The following ZSCAN22 variants were observed in gnomAD, a reference collection of about 807,000 sequenced individuals.
The protein encoded by ZSCAN22 is zinc finger and SCAN domain containing 22.
ZSCAN22 carries 7 observed loss-of-function variants against 12.4 expected under a neutral mutation model. The ratio of observed to expected loss-of-function variants is 0.57; its 90% confidence interval spans 0.32 to 1.06. The LOEUF (loss-of-function observed/expected upper bound fraction) is 1.06. Ranked by LOEUF, ZSCAN22 falls within the 50% of genes least tolerant of loss-of-function variation. The pLI is 0.04. For synonymous variants in ZSCAN22, 243 were observed against 255.9 expected (o/e 0.95, Z 0.48); for missense variants, 576 against 631.7 (o/e 0.91, Z 0.94).
At chr19:58,327,417 C>A (rs1476806079) in intron 1 of ZSCAN22, among the ~76,000 whole-genome samples, 1 of 152,064 alleles carries the variant, frequency 6.6e-6, no homozygotes, top group African/African-American at 2.4e-5. Flanking sequence ...CCGGACGGAC[C>A]GACGGAGAAT....
rs763685746 is a variant in ZSCAN22 at position 58,338,247 on chromosome 19, G to T, written c.404-7G>T. ...GAGGAGTGACAGTGTGGTTCGGACT[G>T]TTTCAGGATGGGATCCAGGAGCCGA... On this transcript the variant is annotated splice_region_variant and splice_polypyrimidine_tract_variant and intron_variant, in intron 2 of 2. Transcript: ENST00000329665. This position sits in a 1 kb window ranked among gnomAD's most constrained non-coding sequence, Gnocchi z 5.4. 1 of 1,594,624 alleles carries T rather than the reference G, an allele frequency of 6.3e-7. No homozygotes were observed. The highest frequency in any genetic ancestry group is 8.6e-7 in the Non-Finnish European group (1 of 1,166,682).
At position 58,335,047 on chromosome 19, in the gene ZSCAN22, C is replaced by T. The variant is rs771409862; in HGVS notation, c.245C>T (p.Ala82Val). The change falls in exon 2 of 3, where the codon GCG becomes GTG. Residue 82 changes from alanine (A) to valine (V), a missense_variant. By Grantham distance (64) the Ala-to-Val change is moderately conservative. Coordinates refer to ENST00000329665, the MANE Select transcript of ZSCAN22 (RefSeq NM_181846.3). The surrounding 1 kb of genome is among the most constrained non-coding windows in gnomAD (Gnocchi z 4.1). Reference protein sequence around the residue: ...ALCCQWLQPEAHSKEQILELL... With the variant: ...ALCCQWLQPEVHSKEQILELL... ...TGCTGTCAGTGGCTGCAGCCCGAGG[C>T]GCACTCCAAGGAGCAGATACTGGAG... The T allele has an allele frequency of 1.1e-5, 17 of 1,613,924 alleles. No individual in the cohort carries two copies. In the South Asian group the frequency reaches 1.8e-4, roughly 17 times the overall value.
chr19:58,328,234 T>C (rs2051679813), intron 1 of ZSCAN22, among the ~76,000 whole-genome samples: 1 of 152,240 alleles, frequency 6.6e-6, no homozygotes, highest in South Asian at 2.1e-4. Flanking sequence ...GCTGACAGAC[T>C]GTACCTGAGA....
intron 1 of ZSCAN22, among the ~76,000 whole-genome samples, chr19:58,330,375 T>G (rs930460753): frequency 6.6e-6 from 1 of 152,208 alleles, no homozygotes; most frequent in Non-Finnish European, 1.5e-5. Context: ...GGCTAGATTC[T>G]GAGAAGTAGA....
rs1261002763 is a variant in ZSCAN22, at chr19:58,339,512, C to T, written c.*186C>T. The T allele has an allele frequency of 6.8e-6, 4 of 591,918 alleles. No individual in the cohort carries two copies. The highest frequency in any genetic ancestry group is 5.6e-5 in the African/African-American group (3 of 53,898). 36.7% of individuals were successfully genotyped at this position (591,918 alleles called of 1,614,324 possible). On this transcript the variant is annotated 3_prime_UTR_variant, in exon 3 of 3. Coordinates refer to ENST00000329665, the MANE Select transcript of ZSCAN22 (RefSeq NM_181846.3). This position sits in a 1 kb window ranked among gnomAD's most constrained non-coding sequence, Gnocchi z 5.6. ...TGCATTTGAGGAACCCTGATGAGCA[C>T]AAGGTGATTCAGGCCAGCTGGAGAA... is the stretch of plus-strand genomic sequence containing the variant.
At position 58,335,248 on chromosome 19, in the gene ZSCAN22, C is replaced by A; in HGVS notation, c.403+43C>A. 1 of 1,489,734 alleles carries A rather than the reference C, an allele frequency of 6.7e-7. No individual in the cohort carries two copies. The highest frequency in any genetic ancestry group is 1.4e-5 in the South Asian group (1 of 73,462). The allele number at this position is 1,489,734 out of a possible 1,614,324, so 92.3% of individuals were successfully genotyped here. A position where few individuals can be genotyped will look rare whatever the true frequency, so the allele number is the denominator to read the frequency against. On this transcript the variant is annotated intron_variant, in intron 2 of 2. Transcript: ENST00000329665. This position sits in a 1 kb window ranked among gnomAD's most constrained non-coding sequence, Gnocchi z 4.1. ...GCAGCTTCACGGCACACCAGAGATA[C>A]ACCCTGGACAGGAACATGGGAGCAC... is the stretch of plus-strand genomic sequence containing the variant.
intron 1 of ZSCAN22, among the ~76,000 whole-genome samples, chr19:58,327,852 G>A (rs2051673436): frequency 6.6e-6 from 1 of 152,054 alleles, no homozygotes; most frequent in African/African-American, 2.4e-5. Flanking sequence ...ATGCTGCGAG[G>A]GCCTGTGTTT....
rs755722105 is a variant in ZSCAN22, at chr19:58,338,919, T to A, written c.1069T>A (p.Cys357Ser). ...AGAGAAACCCTACAAATGTGGGGAA[T>A]GTGGTAAAACCTTCAGCCGCAGCAC... ...TGEKPYKCGE[C>S]GKTFSRSTHL... Residue 357 changes from cysteine (C) to serine (S), a missense_variant, in exon 3 of 3, where the codon TGT (cysteine) becomes AGT (serine). Cys to Ser is a moderately radical substitution (Grantham distance 112). Coordinates refer to ENST00000329665, the MANE Select transcript of ZSCAN22 (RefSeq NM_181846.3). This position sits in a 1 kb window ranked among gnomAD's most constrained non-coding sequence, Gnocchi z 5.4. The A allele has an allele frequency of 2.5e-6, 4 of 1,614,040 alleles. No individual in the cohort carries two copies. The highest frequency in any genetic ancestry group is 2.2e-5 in the South Asian group (2 of 91,074).
In ZSCAN22 at chr19:58,340,957, T is replaced by C. The variant is rs2051868095; in HGVS notation, c.*1631T>C. 6.6e-6 allele frequency: 1 copy of C among 152,172 alleles called. No homozygotes were observed. The highest frequency in any genetic ancestry group is 1.5e-5 in the Non-Finnish European group (1 of 68,032). 9.4% of individuals were successfully genotyped at this position (152,172 alleles called of 1,614,324 possible). A position where few individuals can be genotyped will look rare whatever the true frequency, so the allele number is the denominator to read the frequency against. ...CTTGTAGAGCTGCCTTTTCCAAGGA[T>C]ACCATAAACTCCTGAGAGCAGGGGC... On this transcript the variant is annotated 3_prime_UTR_variant, in exon 3 of 3. Transcript: ENST00000329665.
intron 1 of ZSCAN22, among the ~76,000 whole-genome samples, chr19:58,327,453 G>A (rs571872224): frequency 5.3e-5 from 8 of 152,316 alleles, no homozygotes; most frequent in African/African-American, 1.9e-4. Context: ...AGTGTGTGTC[G>A]GATGGACTGA....
intron 1 of ZSCAN22, among the ~76,000 whole-genome samples, chr19:58,333,623 C>T (rs982629884): frequency 7.2e-5 from 11 of 152,204 alleles, no homozygotes; most frequent in African/African-American, 2.4e-4. Flanking sequence ...GCAGGCAGAT[C>T]GCTTGAGGTC....
chr19:58,339,113 A>G lies in ZSCAN22; in HGVS notation c.1263A>G (p.Ser421=). The G allele has an allele frequency of 1.2e-6, 2 of 1,614,270 alleles. No homozygotes were observed. The highest frequency in any genetic ancestry group is 1.7e-6 in the Non-Finnish European group (2 of 1,180,046). Reference sequence around the variant, plus strand: ...GTGGCCGAGCCTTCAGCGACTGCTCAGCCCTGATCCGACATCTGAGAATCC... The same window carrying G: ...GTGGCCGAGCCTTCAGCGACTGCTCGGCCCTGATCCGACATCTGAGAATCC... The part of the protein sequence containing the change: ...DACGRAFSDC[S]ALIRHLRIHS... The change falls in exon 3 of 3, where the codon TCA becomes TCG. Residue 421 remains serine, a synonymous_variant. Coordinates refer to ENST00000329665, the MANE Select transcript of ZSCAN22 (RefSeq NM_181846.3). The surrounding 1 kb of genome is among the most constrained non-coding windows in gnomAD (Gnocchi z 5.6).
chr19:58,338,451 C>A lies in ZSCAN22; in HGVS notation c.601C>A (p.Gln201Lys). Residue 201 changes from glutamine (Q) to lysine (K), a missense_variant, in exon 3 of 3, where the codon CAG becomes AAG. By Grantham distance (53) the Gln-to-Lys change is moderately conservative (BLOSUM62 1). Coordinates refer to ENST00000329665, the MANE Select transcript of ZSCAN22 (RefSeq NM_181846.3). This position sits in a 1 kb window ranked among gnomAD's most constrained non-coding sequence, Gnocchi z 5.4. ...GEIWTKSVTQQIHFKKTSGPY... is the reference protein window; with the variant it reads ...GEIWTKSVTQKIHFKKTSGPY... ...GATCTGGACAAAGTCTGTCACCCAA[C>A]AGATCCACTTCAAGAAAACTTCAGG... 6.2e-7 allele frequency: 1 copy of A among 1,614,202 alleles called. No homozygotes were observed. The highest frequency in any genetic ancestry group is 1.1e-5 in the South Asian group (1 of 91,082).
Position 58,334,896 on chromosome 19 carries a change from T to C in ZSCAN22, c.94T>C (p.Ser32Pro). ...KVEEEEEASL[S>P]QGGESSHDHI... ...GGAGGAGGAAGAGGAAGCCAGCCTC[T>C]CCCAGGGCGGAGAATCCAGCCATGA... The change falls in exon 2 of 3, where the codon TCC (serine) becomes CCC (proline). Residue 32 changes from serine to proline, a missense_variant. Coordinates refer to ENST00000329665, the MANE Select transcript of ZSCAN22 (RefSeq NM_181846.3). 1.9e-6 allele frequency: 3 copies of C among 1,614,042 alleles called. No homozygotes were observed. Among genetic ancestry groups the C allele is most frequent in the Non-Finnish European group, 1.7e-6 (2 of 1,180,030 alleles).
intron 2 of ZSCAN22, among the ~76,000 whole-genome samples, chr19:58,336,667 C>A (rs2051801453): frequency 6.6e-6 from 1 of 152,164 alleles, no homozygotes; most frequent in Non-Finnish European, 1.5e-5. Flanking sequence ...AACACCTTCC[C>A]TCAGCTGGAT....
Position 58,335,218 on chromosome 19 carries a change from C to T in ZSCAN22, c.403+13C>T, listed in dbSNP as rs368067988. Reference sequence around the variant, plus strand: ...CTGGACAAGAGAGGTAAAGGGGCGCCGTGGGCAGCTTCACGGCACACCAGA... The same window carrying T: ...CTGGACAAGAGAGGTAAAGGGGCGCTGTGGGCAGCTTCACGGCACACCAGA... On this transcript the variant is annotated intron_variant, in intron 2 of 2. Coordinates refer to ENST00000329665, the MANE Select transcript of ZSCAN22 (RefSeq NM_181846.3). The surrounding 1 kb of genome is among the most constrained non-coding windows in gnomAD (Gnocchi z 4.1). The T allele has an allele frequency of 1.9e-6, 3 of 1,557,270 alleles. No individual in the cohort carries two copies. The Admixed American group carries it at 5.8e-5, about 30-fold the overall frequency.
rs1032574753 is a variant in ZSCAN22, at chr19:58,335,199, A to G, written c.397A>G (p.Lys133Glu). The G allele has an allele frequency of 1.3e-6, 2 of 1,592,300 alleles. No homozygotes were observed. The highest frequency in any genetic ancestry group is 1.7e-4 in the Middle Eastern group (1 of 6,006). The change falls in exon 2 of 3, where the codon AAG becomes GAG. Residue 133 changes from lysine (K) to glutamate (E), a missense_variant. Transcript: ENST00000329665. The surrounding 1 kb of genome is among the most constrained non-coding windows in gnomAD (Gnocchi z 4.1). ...GGAGGATCTGACTCAGGTGCTGGAC[A>G]AGAGAGGTAAAGGGGCGCCGTGGGC... ...LVEDLTQVLD[K>E]RGWDPGAEPT...
chr19:58,328,286 G>A (rs1318837644), intron 1 of ZSCAN22, among the ~76,000 whole-genome samples: 1 of 152,188 alleles, frequency 6.6e-6, no homozygotes, highest in African/African-American at 2.4e-5. Flanking sequence ...TTTTATCAGG[G>A]AGACTAAAAC....
At chr19:58,327,706 C>G (rs1450377642) in intron 1 of ZSCAN22, among the ~76,000 whole-genome samples, 1 of 151,990 alleles carries the variant, frequency 6.6e-6, no homozygotes, top group Non-Finnish European at 1.5e-5. Flanking sequence ...AGACTTCCTA[C>G]GTGGGTTGTG....
Sources: allele counts gnomAD v4.1 joint callset (sites outside exome capture counted in the v4.1 genomes callset), GRCh38; gene constraint gnomAD v4.1.1; non-coding constraint Gnocchi (gnomAD v3.1); transcripts MANE v1.5; gene names NCBI Gene and HGNC (gene_info 2026-07-23, HGNC 2026-07-21).